KIAA0825: variants seen among roughly 807,000 people sequenced by gnomAD.
The protein encoded by KIAA0825 is KIAA0825, also known as uncharacterized protein KIAA0825.
In KIAA0825, 119 loss-of-function variants were observed where a neutral mutation model predicts 147.6. That is an observed-to-expected ratio of 0.81 (90% CI 0.69 to 0.94). KIAA0825 has a LOEUF of 0.94. Among genes scored for constraint, KIAA0825 ranks in the 40% least tolerant of loss-of-function variants. KIAA0825 has a pLI of 0.00. For synonymous variants in KIAA0825, 470 were observed against 518.1 expected, an observed-to-expected ratio of 0.91 and a Z score of 1.26; for missense variants, 1,381 against 1,472.7, an observed-to-expected ratio of 0.94 and a Z score of 1.02.
chr5:94,373,225 C>T (rs752821720), intron 20 of KIAA0825, among the ~76,000 whole-genome samples: 35 of 152,176 alleles, frequency 2.3e-4, no homozygotes, highest in Non-Finnish European at 4.9e-4. Flanking sequence ...ATCCTCTAAA[C>T]TGTTCCAACG....
At chr5:94,355,093 T>C (rs1049819057) in intron 20 of KIAA0825, among the ~76,000 whole-genome samples, 5 of 152,234 alleles carry the variant, frequency 3.3e-5, no homozygotes, top group African/African-American at 9.6e-5. Flanking sequence ...TGTTTGAGTT[T>C]GTCTAAGACC....
Position 94,471,509 on chromosome 5 carries a change from G to A in KIAA0825, c.1678C>T (p.His560Tyr). The A allele has an allele frequency of 6.4e-7, 1 of 1,552,042 alleles. No individual in the cohort carries two copies. The highest frequency in any genetic ancestry group is 8.7e-7 in the Non-Finnish European group (1 of 1,147,074). Reference sequence around the variant, plus strand: ...ATCAAATTATCATATCGCTTGAAATGCTGGAAGACATACACCGCTGTGGAG... The same window carrying A: ...ATCAAATTATCATATCGCTTGAAATACTGGAAGACATACACCGCTGTGGAG... ...YLSTAVYVFQHFKRYDNLMKE... is the reference protein window; with the variant it reads ...YLSTAVYVFQYFKRYDNLMKE... The change falls in exon 9 of 21, where the codon CAT (histidine) becomes TAT (tyrosine). Residue 560 changes from histidine (H) to tyrosine (Y), a missense_variant. By Grantham distance (83) the His-to-Tyr change is moderately conservative. Coordinates refer to ENST00000682413, the MANE Select transcript of KIAA0825 (RefSeq NM_001145678.3).
intron 13 of KIAA0825, among the ~76,000 whole-genome samples, chr5:94,450,688 T>C (rs939877338): frequency 6.6e-5 from 10 of 152,092 alleles, no homozygotes; most frequent in East Asian, 1.9e-4. Context: ...CACAGTTGCA[T>C]TGGGGATTAT....
intron 20 of KIAA0825, among the ~76,000 whole-genome samples, chr5:94,271,866 C>G (rs1156748431): frequency 1.3e-5 from 2 of 152,084 alleles, no homozygotes; most frequent in African/African-American, 4.8e-5. Flanking sequence ...TCTGCACTCC[C>G]ATGTTTATTG....
chr5:94,217,662 T>A (rs942823097), intron 20 of KIAA0825, among the ~76,000 whole-genome samples: 6 of 152,174 alleles, frequency 3.9e-5, no homozygotes, highest in African/African-American at 1.4e-4. Context: ...AAGATAGAAG[T>A]ATAGTCCAGG....
chr5:94,226,449 CA>C (rs1428526201), intron 20 of KIAA0825, among the ~76,000 whole-genome samples: 2 of 151,938 alleles, frequency 1.3e-5, no homozygotes, highest in Non-Finnish European at 2.9e-5. Flanking sequence ...TTGTGGAAGA[CA>C]GTGTGGTGAT....
At chr5:94,334,889 T>C (rs1033092446) in intron 20 of KIAA0825, among the ~76,000 whole-genome samples, 11 of 152,228 alleles carry the variant, frequency 7.2e-5, no homozygotes, top group African/African-American at 2.7e-4. Context: ...TTTTGGCATG[T>C]AATTCTGTTT....
rs560283295 is a variant in KIAA0825, at chr5:94,473,587, A to C, written c.1228-68T>G. The C allele has an allele frequency of 3.2e-6, 3 of 947,538 alleles. No homozygotes were observed. In the South Asian group the frequency reaches 4.9e-5, roughly 16 times the overall value. 58.7% of individuals were successfully genotyped at this position (947,538 alleles called of 1,614,324 possible). On this transcript the variant is annotated intron_variant, in intron 7 of 20. Coordinates refer to ENST00000682413, the MANE Select transcript of KIAA0825 (RefSeq NM_001145678.3). The stretch of plus-strand genomic sequence containing the variant: ...GCAACAAATGTTTCTATTGTTATAG[A>C]TATAAAATTATTACTTTCATTCAAC...
intron 2 of KIAA0825, among the ~76,000 whole-genome samples, chr5:94,563,402 C>A (rs1488307876): frequency 6.6e-6 from 1 of 151,330 alleles, no homozygotes; most frequent in Non-Finnish European, 1.5e-5. Context: ...ACTTCAAAGT[C>A]AGATTTCTAG....
At chr5:94,576,994 G>A (rs1781175938) in intron 2 of KIAA0825, among the ~76,000 whole-genome samples, 1 of 152,202 alleles carries the variant, frequency 6.6e-6, no homozygotes, top group Non-Finnish European at 1.5e-5. Flanking sequence ...ACGTATGTGT[G>A]TACACACATA....
intron 20 of KIAA0825, among the ~76,000 whole-genome samples, chr5:94,370,482 G>A (rs1218166563): frequency 2.0e-5 from 3 of 152,152 alleles, no homozygotes; most frequent in Non-Finnish European, 2.9e-5. Context: ...TCAGATAAAG[G>A]TGAGGAATGG....
chr5:94,551,667 G>C (rs1461344621), intron 2 of KIAA0825, among the ~76,000 whole-genome samples: 1 of 151,920 alleles, frequency 6.6e-6, no homozygotes, highest in Non-Finnish European at 1.5e-5. Context: ...CAATAACAAA[G>C]GAAACTCATT....
intron 16 of KIAA0825, among the ~76,000 whole-genome samples, chr5:94,400,991 A>T (rs1382393706): frequency 6.6e-6 from 1 of 152,018 alleles, no homozygotes; most frequent in African/African-American, 2.4e-5. Flanking sequence ...ATTTTTTTTT[A>T]AAGACCTTTA....
intron 20 of KIAA0825, among the ~76,000 whole-genome samples, chr5:94,179,212 T>C (rs1769378661): frequency 6.6e-6 from 1 of 152,064 alleles, no homozygotes; most frequent in African/African-American, 2.4e-5. Context: ...GGTGGACATG[T>C]GACTCTACAC....
chr5:94,279,941 G>A (rs1157500538), intron 20 of KIAA0825, among the ~76,000 whole-genome samples: 1 of 152,082 alleles, frequency 6.6e-6, no homozygotes, highest in East Asian at 1.9e-4. Flanking sequence ...ATAAAGGAAT[G>A]AAGAAATATG....
At chr5:94,617,036 T>A (rs533666725) in intron 1 of KIAA0825, among the ~76,000 whole-genome samples, 1 of 152,248 alleles carries the variant, frequency 6.6e-6, no homozygotes, top group Non-Finnish European at 1.5e-5. Flanking sequence ...GGTCTCAGTA[T>A]AAAATGTTTT....
intron 9 of KIAA0825, among the ~76,000 whole-genome samples, chr5:94,470,522 T>G (rs1463774420): frequency 6.6e-6 from 1 of 152,210 alleles, no homozygotes; most frequent in Non-Finnish European, 1.5e-5. Context: ...CACAAACACA[T>G]TCTTTATTTT....
intron 5 of KIAA0825, chr5:94,519,284 T>C (rs1442099548): frequency 6.6e-5 from 60 of 905,044 alleles, no homozygotes; most frequent in Non-Finnish European, 7.9e-5. Context: ...TTTAAAAAGA[T>C]GATCATAAAT....
chr5:94,237,015 AT>A (rs1336581477), intron 20 of KIAA0825, among the ~76,000 whole-genome samples: 3 of 151,750 alleles, frequency 2.0e-5, no homozygotes. Context: ...AACTGACAAT[AT>A]CTCTGAAGTA....
Sources: allele counts gnomAD v4.1 joint callset (sites outside exome capture counted in the v4.1 genomes callset), GRCh38; gene constraint gnomAD v4.1.1; transcripts MANE v1.5; gene names NCBI Gene and HGNC (gene_info 2026-07-23, HGNC 2026-07-21).